Variants in SYNE2 observed in about 807,000 individuals in gnomAD.
SYNE2 encodes nesprin-2.
SYNE2 carries 431 observed loss-of-function variants against 856.3 expected under a neutral mutation model. The ratio of observed to expected loss-of-function variants is 0.50; its 90% CI spans 0.47 to 0.55. SYNE2 has a LOEUF of 0.55. Among genes scored for constraint, SYNE2 ranks in the 20% least tolerant of loss-of-function variants. SYNE2 has a pLI of 0.00. For missense variants in SYNE2, 8,129 were observed against 8,023.2 expected (o/e 1.01, Z -0.50); for synonymous variants, 2,923 against 2,872.3 (o/e 1.02, Z -0.56).
At chr14:63,883,771 G>T (rs577277276) in intron 1 of SYNE2, among the ~76,000 whole-genome samples, 1 of 151,986 alleles carries the variant, frequency 6.6e-6, no homozygotes, top group Non-Finnish European at 1.5e-5. Context: ...TTGAATTTGG[G>T]AAAAATTGTT....
rs76576553 is a variant in SYNE2, at chr14:64,091,007, C to G, written c.11935C>G (p.Leu3979Val). 2,666 of 1,614,044 alleles carry G rather than the reference C, an allele frequency of 1.7e-3. 74 individuals are homozygous for G. In the East Asian group the frequency reaches 0.048, roughly 29 times the overall value. The change falls in exon 60 of 116, where the codon CTA (leucine) becomes GTA (valine). Residue 3979 changes from leucine (L) to valine (V), a missense_variant. By Grantham distance (32) the Leu-to-Val change is conservative. Around this residue, in one of 3 missense-constraint regions of SYNE2, gnomAD observed 5,410 missense variants for 5,284.8 expected, o/e 1.02. Transcript: ENST00000555002. ...AAATCAGCTTTTACAAGATATAAAA[C>G]TATTGGAAAATGTGACTCAAGAACA... is the stretch of plus-strand genomic sequence containing the variant. ...RTNQLLQDIKLLENVTQEQNE... is the reference protein window; with the variant it reads ...RTNQLLQDIKVLENVTQEQNE...
chr14:63,921,666 A>G (rs2095602883), intron 2 of SYNE2, among the ~76,000 whole-genome samples: 6 of 152,190 alleles, frequency 3.9e-5, no homozygotes, highest in Admixed American at 3.9e-4. Flanking sequence ...GGCCTAGGTG[A>G]GAATTAGGTA....
At chr14:64,131,265 AGGAGAAGGGATTCACATAATATGGAG>A (rs1310991670) in intron 76 of SYNE2, among the ~76,000 whole-genome samples, 2 of 152,332 alleles carry the variant, frequency 1.3e-5, no homozygotes, top group Admixed American at 6.5e-5. Context: ...TTCAAGGCTT[AGGAGAAGGGATTCACATAATATGGAG>A]GGATCCCTCC....
At chr14:64,099,472 C>T (rs1041278907) in intron 63 of SYNE2, 1 of 157,174 alleles carries the variant, frequency 6.4e-6, no homozygotes, top group African/African-American at 2.4e-5. Flanking sequence ...ACCTCTTGTC[C>T]TAGAGTGTGT....
At chr14:64,107,787 C>T (rs897162121) in intron 65 of SYNE2, among the ~76,000 whole-genome samples, 180 bp downstream of exon 65, 1 of 152,156 alleles carries the variant, frequency 6.6e-6, no homozygotes, top group African/African-American at 2.4e-5. Flanking sequence ...CAGATATTTA[C>T]AAAGAAAATA....
At chr14:64,116,658 C>T (rs1189193839) in intron 66 of SYNE2, among the ~76,000 whole-genome samples, 1 of 152,162 alleles carries the variant, frequency 6.6e-6, no homozygotes, top group Non-Finnish European at 1.5e-5. Flanking sequence ...TCAGGTGATC[C>T]ACCTGCCTTG....
intron 99 of SYNE2, among the ~76,000 whole-genome samples, chr14:64,199,661 C>G (rs958708759): frequency 7.0e-6 from 1 of 143,730 alleles, no homozygotes; most frequent in African/African-American, 2.6e-5. Flanking sequence ...GAGGTTGCAG[C>G]GAGCCCATGT....
intron 83 of SYNE2, among the ~76,000 whole-genome samples, chr14:64,144,764 A>G (rs1567450112): frequency 6.6e-6 from 1 of 152,174 alleles, no homozygotes. Context: ...CACCTCTTAC[A>G]CATTTAAGTA....
chr14:63,976,343 C>G (rs2096542676), intron 11 of SYNE2, among the ~76,000 whole-genome samples: 1 of 151,924 alleles, frequency 6.6e-6, no homozygotes, highest in Non-Finnish European at 1.5e-5. Flanking sequence ...CCTTCTTTTC[C>G]TACAGCTTTT....
Position 63,991,027 on chromosome 14 carries a change from C to T in SYNE2, c.2558C>T (p.Ser853Phe), listed in dbSNP as rs763133096. 1 of 1,613,936 alleles carries T rather than the reference C, an allele frequency of 6.2e-7. No individual in the cohort carries two copies. The highest frequency in any genetic ancestry group is 1.3e-5 in the African/African-American group (1 of 74,906). Residue 853 changes from serine (S) to phenylalanine (F), a missense_variant, in exon 21 of 116, where the codon TCC becomes TTC. Physicochemically the swap from Ser to Phe is radical, Grantham distance 155. Around this residue, in one of 3 missense-constraint regions of SYNE2, gnomAD observed 2,422 missense variants for 2,357.4 expected, o/e 1.03. Coordinates refer to ENST00000555002, the MANE Select transcript of SYNE2 (RefSeq NM_182914.3). ...DLDIRLKMEE[S>F]QKELESYMMR... ...GACATCAGGCTGAAGATGGAAGAAT[C>T]CCAGAAGGAACTTGAATCATATATG...
chr14:63,973,240 C>T lies in SYNE2; in HGVS notation c.1129-3323C>T, dbSNP rs183163759. Among the ~76,000 whole-genome samples, 10 of 152,032 alleles carry T rather than the reference C, an allele frequency of 6.6e-5. No individual in the cohort carries two copies. In the East Asian group the frequency reaches 9.7e-4, roughly 15 times the overall value. Reference sequence around the variant, plus strand: ...TAGCCTGGGAGACAGAGTGAGACTCCGTCTCAAAACAAAAAGAAAAAAAAT... The same window carrying T: ...TAGCCTGGGAGACAGAGTGAGACTCTGTCTCAAAACAAAAAGAAAAAAAAT... On this transcript the variant is annotated intron_variant, in intron 11 of 115. Coordinates refer to ENST00000555002, the MANE Select transcript of SYNE2 (RefSeq NM_182914.3).
At chr14:64,004,430 A>C (rs985371606) in intron 30 of SYNE2, among the ~76,000 whole-genome samples, 1 of 151,466 alleles carries the variant, frequency 6.6e-6, no homozygotes, top group East Asian at 1.9e-4. Context: ...TCCCAGGTTT[A>C]GGCGATTCTT....
At chr14:64,091,907 A>G (rs1029202742) in intron 60 of SYNE2, among the ~76,000 whole-genome samples, 2 of 152,054 alleles carry the variant, frequency 1.3e-5, no homozygotes, top group East Asian at 1.9e-4. Context: ...AAAAATGACT[A>G]TATGTTTTTC....
chr14:63,916,164 A>G (rs568872538), intron 2 of SYNE2, among the ~76,000 whole-genome samples: 1 of 151,990 alleles, frequency 6.6e-6, no homozygotes, highest in Admixed American at 6.5e-5. Flanking sequence ...TTAAAGGGTT[A>G]TGTTTCTAAT....
Position 63,782,773 on chromosome 14 carries a change from A to G in SYNE2, c.-305+20787A>G, listed in dbSNP as rs1053570946. Among the ~76,000 whole-genome samples the G allele has an allele frequency of 2.0e-5, 3 of 152,154 alleles. No individual in the cohort carries two copies. In the East Asian group the frequency reaches 5.8e-4, roughly 29 times the overall value. On this transcript the variant is annotated intron_variant, in intron 1 of 23. Coordinates refer to the SYNE2 transcript ENST00000674003. ...TGCCAAAACTAGTGGGTAAAACATG[A>G]CAGAATATTCACATAGTATAAAAGT...
chr14:64,216,413 C>G, intron 108 of SYNE2, 26 bp downstream of exon 108: 1 of 1,611,010 alleles, frequency 6.2e-7, no homozygotes, highest in Non-Finnish European at 8.5e-7. Context: ...ACTGGGAGTA[C>G]AGCCTATGTC....
At chr14:64,168,088 G>A (rs1595949834) in intron 92 of SYNE2, among the ~76,000 whole-genome samples, 1 of 152,174 alleles carries the variant, frequency 6.6e-6, no homozygotes, top group East Asian at 1.9e-4. Flanking sequence ...TACTCCTGGT[G>A]GTTATAGGCA....
chr14:64,069,906 G>A (rs1338358989), intron 51 of SYNE2, among the ~76,000 whole-genome samples: 2 of 152,228 alleles, frequency 1.3e-5, no homozygotes, highest in Non-Finnish European at 2.9e-5. Context: ...GAGTTTGAAC[G>A]TGGAGCAGGA....
rs2097019837 is a variant in SYNE2, at chr14:64,030,046, T to G, written c.6866T>G (p.Leu2289Trp). The change falls in exon 44 of 116, where the codon TTG becomes TGG. Residue 2289 changes from leucine (L) to tryptophan (W), a missense_variant. Physicochemically the swap from Leu to Trp is moderately conservative, Grantham distance 61. Transcript: ENST00000555002. ...PVDQIAVEEK[L>W]QKLQELENRL... The stretch of plus-strand genomic sequence containing the variant: ...GATCAAATAGCGGTTGAGGAAAAAT[T>G]GCAGAAACTGCAGGTACTAAACGGT... 6 of 1,613,928 alleles carry G rather than the reference T, an allele frequency of 3.7e-6. No homozygotes were observed. Among genetic ancestry groups the G allele is most frequent in the Non-Finnish European group, 5.1e-6 (6 of 1,179,976 alleles).
Sources: allele counts gnomAD v4.1 joint callset (sites outside exome capture counted in the v4.1 genomes callset), GRCh38; gene constraint gnomAD v4.1.1; regional missense constraint gnomAD v4.1.1; transcripts MANE v1.5; gene names NCBI Gene and HGNC (gene_info 2026-07-23, HGNC 2026-07-21).